PHACTR1: variants seen among roughly 807,000 people sequenced by gnomAD.
PHACTR1 encodes the protein RPEL repeat containing 1.
A neutral mutation model predicts 69.2 loss-of-function variants in PHACTR1; 16 were observed. That is an observed-to-expected ratio of 0.23 (90% CI 0.16 to 0.35). PHACTR1 has a LOEUF of 0.35. Ranked by LOEUF, PHACTR1 falls within the 10% of genes least tolerant of loss-of-function variation. The pLI is 1.00. For synonymous variants in PHACTR1, 312 were observed against 284.5 expected, an observed-to-expected ratio of 1.10 and a Z score of -0.97; for missense variants, 510 against 734.7, an observed-to-expected ratio of 0.69 and a Z score of 3.54.
chr6:12,981,087 A>C (rs1795470424), intron 4 of PHACTR1, among the ~76,000 whole-genome samples: 1 of 152,272 alleles, frequency 6.6e-6, no homozygotes, highest in African/African-American at 2.4e-5. Flanking sequence ...AGCCTGCAAC[A>C]GTCAGCTTAT....
intron 5 of PHACTR1, among the ~76,000 whole-genome samples, chr6:13,131,799 T>A (rs1820509569): frequency 6.6e-6 from 1 of 152,210 alleles, no homozygotes. Context: ...TTTTAGAGGA[T>A]GCATTTCAAT....
chr6:13,112,801 A>T (rs1817243326), intron 5 of PHACTR1, among the ~76,000 whole-genome samples: 1 of 151,802 alleles, frequency 6.6e-6, no homozygotes, highest in Non-Finnish European at 1.5e-5. Context: ...TAGTTGCAAA[A>T]TTTTTCTCCC....
intron 4 of PHACTR1, among the ~76,000 whole-genome samples, chr6:13,025,150 G>A (rs1387006561): frequency 1.3e-5 from 2 of 152,052 alleles, no homozygotes; most frequent in African/African-American, 2.4e-5. Flanking sequence ...AGCTGCTTGG[G>A]AGGCTGAGGT....
At chr6:12,994,261 A>G (rs1797150056) in intron 4 of PHACTR1, among the ~76,000 whole-genome samples, 1 of 152,228 alleles carries the variant, frequency 6.6e-6, no homozygotes, top group Non-Finnish European at 1.5e-5. Context: ...GGTGACACAA[A>G]AGATAGTAAA....
intron 4 of PHACTR1, among the ~76,000 whole-genome samples, chr6:12,865,469 T>C (rs1430523804): frequency 6.6e-6 from 1 of 151,990 alleles, no homozygotes; most frequent in Non-Finnish European, 1.5e-5. Flanking sequence ...TGTGTGTGTG[T>C]GTGTGTGTGT....
At chr6:12,976,128 G>A (rs961888916) in intron 4 of PHACTR1, among the ~76,000 whole-genome samples, 1 of 152,154 alleles carries the variant, frequency 6.6e-6, no homozygotes, top group Non-Finnish European at 1.5e-5. Context: ...TGATGGAAGG[G>A]GAAGGAGACA....
intron 4 of PHACTR1, among the ~76,000 whole-genome samples, chr6:12,874,301 T>G (rs1324725217): frequency 6.6e-6 from 1 of 152,148 alleles, no homozygotes; most frequent in Non-Finnish European, 1.5e-5. Context: ...TCCTCCAGAA[T>G]AGCAATCCAG....
intron 7 of PHACTR1, among the ~76,000 whole-genome samples, chr6:13,189,791 T>A (rs776449432): frequency 3.3e-5 from 5 of 152,164 alleles, no homozygotes; most frequent in African/African-American, 9.7e-5. Flanking sequence ...GGCCCCTTTG[T>A]TTTTAAAAGT....
At chr6:13,161,226 C>T (rs1223543) in intron 6 of PHACTR1, among the ~76,000 whole-genome samples, 2,930 of 152,314 alleles carry the variant, frequency 0.019, 99 homozygotes, top group African/African-American at 0.067. Flanking sequence ...AATCTTCCCA[C>T]CTCAGCCTCC....
chr6:12,797,946 A>G (rs943150044), intron 4 of PHACTR1, among the ~76,000 whole-genome samples: 3 of 151,904 alleles, frequency 2.0e-5, no homozygotes, highest in African/African-American at 4.8e-5. Context: ...TTTGCATTAC[A>G]TATTTATGAT....
rs915074464 is a variant in PHACTR1 at position 13,122,711 on chromosome 6, T to G, written c.416-37493T>G. ...TAAAGAGAATTCAACTTTTGGAAAT[T>G]GGAAGATACTGTTAGGTATAATTCC... On this transcript the variant is annotated intron_variant, in intron 5 of 14. Transcript: ENST00000332995. 1.1e-4 allele frequency among the ~76,000 whole-genome samples: 16 copies of G among 152,222 alleles called. No homozygotes were observed. In the South Asian group the frequency reaches 2.3e-3, roughly 22 times the overall value.
chr6:13,028,458 A>G (rs1048266464), intron 4 of PHACTR1, among the ~76,000 whole-genome samples: 14 of 152,234 alleles, frequency 9.2e-5, no homozygotes, highest in Admixed American at 9.2e-4. Context: ...TGCTTCAATC[A>G]ATCCAGGAAT....
At chr6:13,271,483 C>T (rs1777711148) in intron 10 of PHACTR1, among the ~76,000 whole-genome samples, 1 of 152,098 alleles carries the variant, frequency 6.6e-6, no homozygotes, top group South Asian at 2.1e-4. Flanking sequence ...TGACAACAAG[C>T]TTTGAATTAA....
chr6:12,911,848 C>A (rs1382389993), intron 4 of PHACTR1, among the ~76,000 whole-genome samples: 9 of 152,208 alleles, frequency 5.9e-5, no homozygotes, highest in East Asian at 1.9e-4. Flanking sequence ...CCACCACCAA[C>A]TGTGAAATCC....
intron 4 of PHACTR1, among the ~76,000 whole-genome samples, chr6:12,843,301 T>A (rs1778882311): frequency 1.3e-5 from 2 of 152,222 alleles, no homozygotes; most frequent in South Asian, 4.1e-4. Context: ...TTGGTTCACT[T>A]TCTTTTCATT....
intron 4 of PHACTR1, among the ~76,000 whole-genome samples, chr6:12,861,616 A>T (rs1780946858): frequency 6.6e-6 from 1 of 152,230 alleles, no homozygotes; most frequent in African/African-American, 2.4e-5. Flanking sequence ...GTAAAGGAGG[A>T]GCAGTGGTCT....
chr6:13,204,431 G>A (rs1041874234), intron 7 of PHACTR1, among the ~76,000 whole-genome samples: 2 of 151,984 alleles, frequency 1.3e-5, no homozygotes, highest in South Asian at 2.1e-4. Context: ...CTGCTGTGCT[G>A]TTCCAGACCA....
chr6:13,256,015 G>C (rs1305125885), intron 10 of PHACTR1, among the ~76,000 whole-genome samples: 2 of 152,222 alleles, frequency 1.3e-5, no homozygotes, highest in Non-Finnish European at 2.9e-5. Flanking sequence ...TTCTCCATGA[G>C]GGCTCTGCCC....
In PHACTR1 at chr6:12,777,625, C is replaced by CTTTTTTT. The variant is rs869096915; in HGVS notation, c.250+27853_250+27859dup. 3.3e-3 allele frequency among the ~76,000 whole-genome samples: 330 copies of CTTTTTTT among 99,004 alleles called. 3 individuals carry two copies. The highest frequency in any genetic ancestry group is 6.8e-3 in the East Asian group (18 of 2,630). 65.0% of individuals were successfully genotyped at this position (99,004 alleles called of 152,430 possible). A position where few individuals can be genotyped will look rare whatever the true frequency, so the allele number is the denominator to read the frequency against. ...TGTATATATACCACCCTTTCTTCTT[C>CTTTTTTT]TTTTTTTTTTTTTTTTTTTTTTTTG... On this transcript the variant is annotated intron_variant, in intron 4 of 14. Coordinates refer to ENST00000332995, the MANE Select transcript of PHACTR1 (RefSeq NM_030948.6).
Sources: gnomAD v4.1 joint callset for allele counts (sites outside exome capture counted in the v4.1 genomes callset) on GRCh38, gnomAD v4.1.1 for gene constraint, MANE v1.5 for transcripts, NCBI Gene and HGNC (gene_info 2026-07-23, HGNC 2026-07-21) for gene names.